Variants in AFAP1 observed in about 807,000 individuals in gnomAD.
The protein encoded by AFAP1 is actin filament associated protein 1.
A neutral mutation model predicts 93.9 loss-of-function variants in AFAP1; 75 were observed. The ratio of observed to expected loss-of-function variants is 0.80; its 90% confidence interval spans 0.66 to 0.97. The LOEUF is 0.97. AFAP1 is among the 50% of genes least tolerant of loss of function. The pLI is 0.00. For missense variants in AFAP1, 1,201 were observed against 1,050.8 expected (o/e 1.14, Z -1.98); for synonymous variants, 517 against 430.7 (o/e 1.20, Z -2.48).
At chr4:7,854,652 G>A (rs1031147924) in intron 4 of AFAP1, among the ~76,000 whole-genome samples, 2 of 152,208 alleles carry the variant, frequency 1.3e-5, no homozygotes, top group Non-Finnish European at 2.9e-5. Context: ...ACGCAAAGAA[G>A]ATCAATGCAC....
chr4:7,893,013 G>GTA (rs917625260), intron 1 of AFAP1, among the ~76,000 whole-genome samples: 173 of 152,322 alleles, frequency 1.1e-3, no homozygotes, highest in African/African-American at 3.8e-3. Context: ...TTACCTCTCA[G>GTA]TATATCTCAT....
intron 3 of AFAP1, among the ~76,000 whole-genome samples, chr4:7,864,163 A>ACACCTTCCCAACTG (rs1560207895): frequency 1.3e-5 from 2 of 151,790 alleles, no homozygotes; most frequent in Non-Finnish European, 2.9e-5. Flanking sequence ...TCTCATCACA[A>ACACCTTCCCAACTG]CCCACAGGTC....
At position 7,869,960 on chromosome 4, in the gene AFAP1, A is replaced by G. The variant is rs145566701; in HGVS notation, c.128-1241T>C. Among the ~76,000 whole-genome samples, 697 of 152,338 alleles carry G rather than the reference A, an allele frequency of 4.6e-3. 6 individuals are homozygous for G. Among genetic ancestry groups the G allele is most frequent in the African/African-American group, 0.015 (604 of 41,580 alleles). ...GATTCATCCAGAAGGAGGCATGAAGAGACCAGTGCTGGAGCTCACTGGGCG... is the reference window on the plus strand; with the variant it reads ...GATTCATCCAGAAGGAGGCATGAAGGGACCAGTGCTGGAGCTCACTGGGCG... On this transcript the variant is annotated intron_variant, in intron 2 of 17. Transcript: ENST00000420658.
intron 4 of AFAP1, among the ~76,000 whole-genome samples, chr4:7,846,058 C>T (rs1031305296): frequency 1.3e-5 from 2 of 152,166 alleles, no homozygotes; most frequent in Non-Finnish European, 1.5e-5. Context: ...AGGAGAAACG[C>T]GATGAGCGAA....
chr4:7,772,676 A>C, intron 16 of AFAP1, 144 bp downstream of exon 16: 5 of 702,906 alleles, frequency 7.1e-6, no homozygotes, highest in Non-Finnish European at 1.1e-5. Context: ...TCTGATGCTA[A>C]CACATGAACT....
chr4:7,791,860 A>C (rs1266997296), intron 11 of AFAP1, among the ~76,000 whole-genome samples: 1 of 151,244 alleles, frequency 6.6e-6, no homozygotes. Context: ...AACAAAAACA[A>C]AAAACAACAA....
At chr4:7,767,209 C>A (rs1285278676) in intron 17 of AFAP1, among the ~76,000 whole-genome samples, 1 of 152,144 alleles carries the variant, frequency 6.6e-6, no homozygotes, top group Non-Finnish European at 1.5e-5. Context: ...TCAGTGGGGA[C>A]CCATCTGGAC....
intron 6 of AFAP1, among the ~76,000 whole-genome samples, chr4:7,820,661 G>C (rs1266585692): frequency 6.6e-6 from 1 of 152,128 alleles, no homozygotes; most frequent in Non-Finnish European, 1.5e-5. Context: ...ACTAGGAGTG[G>C]GGGAGGAGGA....
At chr4:7,929,310 G>GA (rs1167808640) in intron 1 of AFAP1, among the ~76,000 whole-genome samples, 1 of 152,118 alleles carries the variant, frequency 6.6e-6, no homozygotes, top group Non-Finnish European at 1.5e-5. Flanking sequence ...GGCCCAGGCT[G>GA]CCCCCATCTG....
At chr4:7,769,542 A>G (rs1324107938) in intron 16 of AFAP1, among the ~76,000 whole-genome samples, 1 of 152,118 alleles carries the variant, frequency 6.6e-6, no homozygotes, top group Non-Finnish European at 1.5e-5. Flanking sequence ...CCATATGCCA[A>G]AGGAGGAGGT....
chr4:7,765,943 A>C (rs938909110), intron 17 of AFAP1, among the ~76,000 whole-genome samples: 2 of 152,216 alleles, frequency 1.3e-5, no homozygotes, highest in Non-Finnish European at 1.5e-5. Flanking sequence ...GCGCCCGCCC[A>C]GTGACCCTGC....
intron 10 of AFAP1, among the ~76,000 whole-genome samples, chr4:7,798,627 C>G (rs1005255616): frequency 1.3e-5 from 2 of 152,204 alleles, no homozygotes; most frequent in Non-Finnish European, 2.9e-5. Flanking sequence ...ATTTCCAATT[C>G]TTGCTGTCGT....
rs145319624 is a variant in AFAP1 at position 7,843,409 on chromosome 4, G to T, written c.335-59C>A. Reference sequence around the variant, plus strand: ...CTTCTTTACCTTGAAGTTTACCCGTGGGCTCAAGAGCACGTCCTCTTATTT... The same window carrying T: ...CTTCTTTACCTTGAAGTTTACCCGTTGGCTCAAGAGCACGTCCTCTTATTT... On this transcript the variant is annotated intron_variant, in intron 4 of 17. Transcript: ENST00000420658. 6 of 1,464,954 alleles carry T rather than the reference G, an allele frequency of 4.1e-6. No homozygotes were observed. In the South Asian group the frequency reaches 6.5e-5, roughly 16 times the overall value. The allele number at this position is 1,464,954 out of a possible 1,614,324, so 90.7% of individuals were successfully genotyped here. A position where few individuals can be genotyped will look rare whatever the true frequency, so the allele number is the denominator to read the frequency against.
At chr4:7,843,929 C>G (rs1186782161) in intron 4 of AFAP1, 1 of 157,706 alleles carries the variant, frequency 6.3e-6, no homozygotes, top group East Asian at 1.9e-4. Flanking sequence ...GACACACTGG[C>G]ATGTATACTG....
At chr4:7,764,926 G>T (rs569883254) in intron 17 of AFAP1, among the ~76,000 whole-genome samples, 1 of 152,070 alleles carries the variant, frequency 6.6e-6, no homozygotes, top group Non-Finnish European at 1.5e-5. Flanking sequence ...AGCAACTTAG[G>T]GAGACCCCAA....
intron 1 of AFAP1, among the ~76,000 whole-genome samples, chr4:7,881,948 G>A (rs982267113): frequency 4.6e-5 from 7 of 152,088 alleles, no homozygotes; most frequent in Admixed American, 2.6e-4. Context: ...ATCATCATGA[G>A]GATTAAATGA....
intron 1 of AFAP1, among the ~76,000 whole-genome samples, chr4:7,878,139 C>A (rs1168959461): frequency 1.3e-5 from 2 of 152,176 alleles, no homozygotes; most frequent in African/African-American, 2.4e-5. Context: ...CATGTCTTTC[C>A]CCTTAAGATC....
intron 1 of AFAP1, among the ~76,000 whole-genome samples, chr4:7,904,374 A>G (rs567041889): frequency 5.9e-5 from 9 of 152,298 alleles, no homozygotes; most frequent in Admixed American, 5.2e-4. Flanking sequence ...CACACTATCT[A>G]TATGGAATTC....
chr4:7,786,690 G>A (rs1241845475), intron 11 of AFAP1, among the ~76,000 whole-genome samples: 2 of 152,148 alleles, frequency 1.3e-5, no homozygotes, highest in Non-Finnish European at 2.9e-5. Flanking sequence ...AATACCAAGC[G>A]TTTTGATTAT....
Sources: allele counts gnomAD v4.1 joint callset (sites outside exome capture counted in the v4.1 genomes callset), GRCh38; gene constraint gnomAD v4.1.1; transcripts MANE v1.5; gene names NCBI Gene and HGNC (gene_info 2026-07-23, HGNC 2026-07-21).